The following PURG variants were observed in gnomAD, a reference collection of about 807,000 sequenced individuals.
PURG encodes the protein purine rich element binding protein G.
PURG carries 3 observed loss-of-function variants against 24.3 expected under a neutral mutation model. The ratio of observed to expected loss-of-function variants is 0.12; its 90% CI spans 0.06 to 0.32. PURG has a LOEUF of 0.32. Ranked by LOEUF, PURG falls within the 10% of genes least tolerant of loss-of-function variation. The pLI, the probability that PURG is intolerant of heterozygous loss-of-function variation, is 1.00. For synonymous variants in PURG, 180 were observed against 173.1 expected (o/e 1.04, Z -0.31); for missense variants, 371 against 439.1 (o/e 0.84, Z 1.39).
intron 1 of PURG, among the ~76,000 whole-genome samples, chr8:31,017,935 C>T: frequency 6.6e-6 from 1 of 152,096 alleles, no homozygotes; most frequent in East Asian, 1.9e-4. Flanking sequence ...CCAATTTACC[C>T]TATTGCCTCT....
intron 1 of PURG, among the ~76,000 whole-genome samples, chr8:31,021,480 A>T (rs1341543317): frequency 2.6e-5 from 4 of 152,218 alleles, no homozygotes; most frequent in African/African-American, 9.6e-5. Context: ...ATTAGCACCA[A>T]CTTTAACCAA....
In PURG at chr8:31,032,079, G is replaced by C. The variant is rs1343624676; in HGVS notation, c.704C>G (p.Ala235Gly). Residue 235 changes from alanine (A) to glycine (G), a missense_variant, in exon 2 of 2, where the codon GCC becomes GGC. Physicochemically the swap from Ala to Gly is moderately conservative, Grantham distance 60. Coordinates refer to ENST00000523392, the MANE Select transcript of PURG (RefSeq NM_001323311.2). This position sits in a 1 kb window ranked among gnomAD's most constrained non-coding sequence, Gnocchi z 5.9. ...PAQGMIEFRD[A>G]LVQLIEDYGE... ...ATAGTCTTCAATCAGCTGAACCAAGGCATCACGAAACTCAATCATTCCTTG... is the reference window on the plus strand; with the variant it reads ...ATAGTCTTCAATCAGCTGAACCAAGCCATCACGAAACTCAATCATTCCTTG... 1 of 1,614,046 alleles carries C rather than the reference G, an allele frequency of 6.2e-7. No homozygotes were observed. The highest frequency in any genetic ancestry group is 1.3e-5 in the African/African-American group (1 of 74,914).
chr8:30,996,580 A>T, exon 2 of PURG: 1 of 1,568,490 alleles, frequency 6.4e-7, no homozygotes, highest in Non-Finnish European at 8.8e-7. Flanking sequence ...GTGTAACATA[A>T]GAGATTTATT....
At chr8:31,029,512 C>T (rs985042053), downstream of PURG, among the ~76,000 whole-genome samples, 1 of 151,302 alleles carries the variant, frequency 6.6e-6, no homozygotes, top group African/African-American at 2.4e-5. Flanking sequence ...ATACATATGT[C>T]TGTGTGTATA....
intron 1 of PURG, among the ~76,000 whole-genome samples, chr8:31,004,589 C>A (rs1337898689): frequency 2.6e-5 from 4 of 152,044 alleles, no homozygotes; most frequent in African/African-American, 7.2e-5. Flanking sequence ...ATTGCTTGAA[C>A]CAGGGAGGCA....
chr8:30,997,988 A>G (rs904801106), intron 1 of PURG, among the ~76,000 whole-genome samples: 3 of 151,808 alleles, frequency 2.0e-5, no homozygotes, highest in African/African-American at 7.2e-5. Flanking sequence ...ACACTAAAAA[A>G]TCTCAACTAA....
intron 1 of PURG, among the ~76,000 whole-genome samples, chr8:30,999,622 T>C (rs1009116719): frequency 6.6e-6 from 1 of 151,978 alleles, no homozygotes; most frequent in Non-Finnish European, 1.5e-5. Context: ...ACCTTTATAA[T>C]TGCACATTCC....
exon 2 of PURG, chr8:30,996,457 T>C (rs1185637915): frequency 7.0e-6 from 4 of 574,252 alleles, no homozygotes; most frequent in Non-Finnish European, 1.2e-5. Context: ...TTGGAAATGA[T>C]GCCAGTGGTG....
downstream of PURG, among the ~76,000 whole-genome samples, chr8:31,027,293 A>C (rs532617445): frequency 1.8e-4 from 27 of 151,900 alleles, no homozygotes; most frequent in African/African-American, 6.3e-4. Context: ...ACAGACTTCA[A>C]ACTAAGTGGT....
At chr8:31,015,631 G>A (rs1276894185) in intron 1 of PURG, among the ~76,000 whole-genome samples, 1 of 152,172 alleles carries the variant, frequency 6.6e-6, no homozygotes, top group Non-Finnish European at 1.5e-5. Flanking sequence ...CAGACAGACA[G>A]AACTTGAGTT....
chr8:30,996,663 T>C (rs1216268841), exon 2 of PURG: 13 of 1,612,070 alleles, frequency 8.1e-6, no homozygotes, highest in South Asian at 1.1e-5. Context: ...GTGAAAAAGG[T>C]TGATATTCTC....
intron 1 of PURG, among the ~76,000 whole-genome samples, chr8:31,006,784 T>C (rs1810660716): frequency 6.6e-6 from 1 of 152,208 alleles, no homozygotes; most frequent in Non-Finnish European, 1.5e-5. Context: ...CAATCCATAT[T>C]TGTTGACTGA....
intron 1 of PURG, among the ~76,000 whole-genome samples, chr8:30,997,474 C>G (rs542047900): frequency 2.6e-5 from 4 of 151,634 alleles, no homozygotes; most frequent in Non-Finnish European, 5.9e-5. Context: ...CTCCCCTTCA[C>G]AAGGATAGAC....
chr8:31,018,478 A>C (rs1810916346), intron 1 of PURG, among the ~76,000 whole-genome samples: 2 of 152,242 alleles, frequency 1.3e-5, no homozygotes, highest in South Asian at 4.1e-4. Context: ...TGTTGAGCTG[A>C]AGTCTACTAT....
chr8:31,001,205 T>C (rs1316650410), intron 1 of PURG, among the ~76,000 whole-genome samples: 2 of 152,252 alleles, frequency 1.3e-5, no homozygotes, highest in African/African-American at 4.8e-5. Flanking sequence ...TTCTTGACTT[T>C]GTAAAAGCTA....
intron 1 of PURG, among the ~76,000 whole-genome samples, chr8:31,001,105 T>A (rs183554739): frequency 1.3e-5 from 2 of 152,334 alleles, no homozygotes; most frequent in East Asian, 3.9e-4. Flanking sequence ...AACTTCATAG[T>A]ATGTGTGATA....
At chr8:31,025,170 G>T (rs1811067482) in intron 1 of PURG, among the ~76,000 whole-genome samples, 1 of 151,766 alleles carries the variant, frequency 6.6e-6, no homozygotes, top group South Asian at 2.1e-4. Context: ...ATATTCAAAA[G>T]AACATAAAGT....
intron 1 of PURG, among the ~76,000 whole-genome samples, chr8:31,008,887 T>C (rs980226808): frequency 6.6e-5 from 10 of 152,194 alleles, no homozygotes; most frequent in Admixed American, 2.0e-4. Context: ...TGAGATTGCC[T>C]GATAACTTTA....
At position 31,013,605 on chromosome 8, in the gene PURG, C is replaced by T. The variant is rs568558861; in HGVS notation, c.865-16908G>A. On this transcript the variant is annotated intron_variant, in intron 1 of 1. Coordinates refer to the PURG transcript ENST00000339382. ...ACACAAAATTAGCCAGGCATGGTGG[C>T]GGGCGCCTGTAATCCCAGTTATTCA... is the stretch of plus-strand genomic sequence containing the variant. Among the ~76,000 whole-genome samples the T allele has an allele frequency of 5.9e-5, 9 of 152,248 alleles. No individual in the cohort carries two copies. The South Asian group carries it at 6.2e-4, about 11-fold the overall frequency.
Sources: allele counts gnomAD v4.1 joint callset (sites outside exome capture counted in the v4.1 genomes callset), GRCh38; gene constraint gnomAD v4.1.1; non-coding constraint Gnocchi (gnomAD v3.1); transcripts MANE v1.5; gene names NCBI Gene and HGNC (gene_info 2026-07-23, HGNC 2026-07-21).